ADAMTS10: variants seen among roughly 807,000 people sequenced by gnomAD.
The protein encoded by ADAMTS10 is A disintegrin and metalloproteinase with thrombospondin motifs 10.
A neutral mutation model predicts 135.9 loss-of-function variants in ADAMTS10; 48 were observed. The observed-to-expected ratio is 0.35, with a 90% CI of 0.28 to 0.45. The LOEUF (loss-of-function observed/expected upper bound fraction) is 0.45, where lower values mean the gene tolerates loss of function less well. Ranked by LOEUF, ADAMTS10 falls within the 20% of genes least tolerant of loss-of-function variation. The probability of loss-of-function intolerance (pLI) is 1.00; values close to 1 mark genes in which losing one functional copy is unlikely to be tolerated. For missense variants in ADAMTS10, 1,131 were observed against 1,565.2 expected (o/e 0.72, Z 4.68); for synonymous variants, 621 against 647.5 (o/e 0.96, Z 0.62).
intron 12 of ADAMTS10, 109 bp from the exon 13 acceptor site, chr19:8,592,979 G>C: frequency 9.7e-7 from 1 of 1,030,544 alleles, no homozygotes; most frequent in Non-Finnish European, 1.5e-6. Context: ...TCCCAGAGCA[G>C]AGAGCCCGGT....
rs1447357577 is a variant in ADAMTS10, at chr19:8,585,225, C to T, written c.2949G>A (p.Ala983=). Residue 983 remains alanine (A), a synonymous_variant, in exon 24 of 26, where the codon GCG becomes GCA. Transcript: ENST00000597188. Reference sequence around the variant, plus strand: ...GTGGCTTGGCGGCGGGTGAGCAGTGCGCCGGGGGCAGCGTGGCGCGGTGGT... The same window carrying T: ...GTGGCTTGGCGGCGGGTGAGCAGTGTGCCGGGGGCAGCGTGGCGCGGTGGT... ...SADHRATLPP[A]HCSPAAKPPA... 3 of 1,449,170 alleles carry T rather than the reference C, an allele frequency of 2.1e-6. No individual in the cohort carries two copies. Among genetic ancestry groups the T allele is most frequent in the African/African-American group, 2.9e-5 (2 of 69,384 alleles). 89.8% of individuals were successfully genotyped at this position (1,449,170 alleles called of 1,614,324 possible).
Position 8,605,235 on chromosome 19 carries a change from G to C in ADAMTS10, c.212C>G (p.Thr71Arg). The C allele has an allele frequency of 6.2e-7, 1 of 1,613,474 alleles. No individual in the cohort carries two copies. The highest frequency in any genetic ancestry group is 8.5e-7 in the Non-Finnish European group (1 of 1,179,704). Residue 71 changes from threonine to arginine, a missense_variant, in exon 4 of 26, where the codon ACA becomes AGA. Physicochemically the swap from Thr to Arg is moderately conservative, Grantham distance 71. Around this residue, in one of 3 missense-constraint regions of ADAMTS10, gnomAD observed 306 missense variants for 344.4 expected, o/e 0.89. Transcript: ENST00000597188. The surrounding 1 kb of genome is among the most constrained non-coding windows in gnomAD (Gnocchi z 7.7). The part of the protein sequence containing the change: ...PRRQRRGTGA[T>R]AESRLFYKVA... The stretch of plus-strand genomic sequence containing the variant: ...TTTGTAGAAGAGGCGGGACTCGGCT[G>C]TGGCCCCCGTGCCGCGGCGCTGCCT...
chr19:8,602,614 C>A (rs1185421027), intron 5 of ADAMTS10, among the ~76,000 whole-genome samples: 1 of 152,118 alleles, frequency 6.6e-6, no homozygotes, highest in Admixed American at 6.6e-5. Context: ...AGACACTGTG[C>A]CTGACCCTGA....
chr19:8,587,471 CTT>C (rs112605791), intron 18 of ADAMTS10, among the ~76,000 whole-genome samples: 1 of 135,912 alleles, frequency 7.4e-6, no homozygotes, highest in African/African-American at 2.8e-5. Flanking sequence ...GCCTGGCCAG[CTT>C]TTTTTTTTTT....
At position 8,586,401 on chromosome 19, in the gene ADAMTS10, G is replaced by A. The variant is rs782146436; in HGVS notation, c.2473C>T (p.Pro825Ser). The A allele has an allele frequency of 5.8e-5, 93 of 1,613,820 alleles. No homozygotes were observed. The highest frequency in any genetic ancestry group is 7.0e-5 in the Non-Finnish European group (83 of 1,180,008). ...FNAPIARDSL[P>S]PYSWHYAPWT... ...GGCGCATAGTGCCAGGAGTAGGGGG[G>A]CAGCGAGTCACGGGCGATGGGGGCA... The change falls in exon 21 of 26, where the codon CCC (proline) becomes TCC (serine). Residue 825 changes from proline (P) to serine (S), a missense_variant. Transcript: ENST00000597188.
intron 25 of ADAMTS10, among the ~76,000 whole-genome samples, chr19:8,581,740 CAGG>C (rs1307257424): frequency 6.6e-6 from 1 of 151,332 alleles, no homozygotes; most frequent in Admixed American, 6.6e-5. Flanking sequence ...CAGCCTGAGG[CAGG>C]AGAATTGCCT....
chr19:8,604,877 C>G (rs2042702290), intron 4 of ADAMTS10, 135 bp downstream of exon 4: 2 of 1,008,232 alleles, frequency 2.0e-6, no homozygotes, highest in Non-Finnish European at 3.0e-6. Context: ...AGCTGCATCC[C>G]CAAAGCACTG....
In ADAMTS10 at chr19:8,586,118, T is replaced by C; in HGVS notation, c.2660+4A>G. 6.2e-7 allele frequency: 1 copy of C among 1,612,948 alleles called. No individual in the cohort carries two copies. Among genetic ancestry groups the C allele is most frequent in the South Asian group, 1.1e-5 (1 of 91,052 alleles). ...GAGCAACACTGCCCCCTGGCGGCACTCACTCTGGAGGGCAAGGCTCCGTGT... is the reference window on the plus strand; with the variant it reads ...GAGCAACACTGCCCCCTGGCGGCACCCACTCTGGAGGGCAAGGCTCCGTGT... On this transcript the variant is annotated splice_donor_region_variant and intron_variant, in intron 22 of 25. Transcript: ENST00000597188.
At chr19:8,590,606 G>A (rs151174108) in intron 15 of ADAMTS10, among the ~76,000 whole-genome samples, 1,668 of 151,930 alleles carry the variant, frequency 0.011, 26 homozygotes, top group African/African-American at 0.038. Flanking sequence ...CTACAGGCGC[G>A]TGCCACCACG....
In ADAMTS10 at chr19:8,601,247, A is replaced by G; in HGVS notation, c.593-102T>C. Reference sequence around the variant, plus strand: ...CCTCTGACTGGCTACCTCTCTACCCAACAGTCTGGACAGACAATTTCTGGT... The same window carrying G: ...CCTCTGACTGGCTACCTCTCTACCCGACAGTCTGGACAGACAATTTCTGGT... On this transcript the variant is annotated intron_variant, in intron 5 of 25. Transcript: ENST00000597188. This position sits in a 1 kb window ranked among gnomAD's most constrained non-coding sequence, Gnocchi z 4.6. 2 of 1,288,918 alleles carry G rather than the reference A, an allele frequency of 1.6e-6. No homozygotes were observed. The highest frequency in any genetic ancestry group is 2.2e-6 in the Non-Finnish European group (2 of 920,722). The allele number at this position is 1,288,918 out of a possible 1,614,324, so 79.8% of individuals were successfully genotyped here. A position where few individuals can be genotyped will look rare whatever the true frequency, so the allele number is the denominator to read the frequency against.
intron 2 of ADAMTS10, among the ~76,000 whole-genome samples, chr19:8,607,816 C>CTT (rs1555742818): frequency 3.6e-5 from 5 of 139,232 alleles, no homozygotes; most frequent in South Asian, 2.3e-4. Context: ...CTCTCTCTCT[C>CTT]TCTCTTTTTT....
At chr19:8,594,612 C>T (rs1181481297) in intron 12 of ADAMTS10, among the ~76,000 whole-genome samples, 1 of 152,168 alleles carries the variant, frequency 6.6e-6, no homozygotes, top group Non-Finnish European at 1.5e-5. Flanking sequence ...ATTTAAATCC[C>T]AGCTCTGTCA....
At position 8,580,938 on chromosome 19, in the gene ADAMTS10, T is replaced by A; in HGVS notation, c.3267A>T (p.Arg1089=). 1 of 1,613,334 alleles carries A rather than the reference T, an allele frequency of 6.2e-7. No individual in the cohort carries two copies. Among genetic ancestry groups the A allele is most frequent in the Non-Finnish European group, 8.5e-7 (1 of 1,179,760 alleles). The change falls in exon 26 of 26, where the codon CGA becomes CGT. Residue 1089 remains arginine, a synonymous_variant. Coordinates refer to ENST00000597188, the MANE Select transcript of ADAMTS10 (RefSeq NM_030957.4). ...TGCAGCACATCTGGCGGAAGTAGGC[T>A]CGGCTGCAGAACTGAAATTTGAGCA... ...PLVLKFQFCS[R]AYFRQMCCKT...
chr19:8,596,279 C>T lies in ADAMTS10; in HGVS notation c.1190+28G>A, dbSNP rs1555740170. The T allele has an allele frequency of 6.2e-7, 1 of 1,612,922 alleles. No individual in the cohort carries two copies. Among genetic ancestry groups the T allele is most frequent in the Non-Finnish European group, 8.5e-7 (1 of 1,180,008 alleles). On this transcript the variant is annotated intron_variant, in intron 10 of 25. Coordinates refer to ENST00000597188, the MANE Select transcript of ADAMTS10 (RefSeq NM_030957.4). This position sits in a 1 kb window ranked among gnomAD's most constrained non-coding sequence, Gnocchi z 7.2. ...AGGGACCCGCCCAGCTCCTCCCCTC[C>T]TCCCCCTCTTGTGTGCCCTGGCCTC...
At chr19:8,592,291 G>T in intron 13 of ADAMTS10, 188 bp from the exon 14 acceptor site, 1 of 1,193,576 alleles carries the variant, frequency 8.4e-7, no homozygotes, top group Non-Finnish European at 1.2e-6. Context: ...CCAGGTACAA[G>T]CGAGAGGCGT....
intron 5 of ADAMTS10, among the ~76,000 whole-genome samples, chr19:8,602,411 C>T (rs900974121): frequency 4.6e-5 from 7 of 152,284 alleles, no homozygotes; most frequent in African/African-American, 7.2e-5. Flanking sequence ...CTCTACCTCC[C>T]GGGTTCAGGC....
At chr19:8,593,033 G>C in intron 12 of ADAMTS10, 163 bp from the exon 13 acceptor site, 2 of 685,954 alleles carry the variant, frequency 2.9e-6, no homozygotes, top group Admixed American at 4.2e-5. Flanking sequence ...ATCCCCTTGC[G>C]GGGCATGGCC....
At position 8,596,348 on chromosome 19, in the gene ADAMTS10, G is replaced by A. The variant is rs373993156; in HGVS notation, c.1149C>T (p.Gly383=). 7.6e-5 allele frequency: 123 copies of A among 1,612,830 alleles called. 1 individual carries two copies. The Middle Eastern group carries it at 2.6e-3, about 34-fold the overall frequency. The change falls in exon 10 of 26, where the codon GGC becomes GGT. Residue 383 remains glycine, a synonymous_variant. Coordinates refer to ENST00000597188, the MANE Select transcript of ADAMTS10 (RefSeq NM_030957.4). This position sits in a 1 kb window ranked among gnomAD's most constrained non-coding sequence, Gnocchi z 7.2. Reference sequence around the variant, plus strand: ...GGGCAATGGTGAACGCTGTGGCCAGGCCAATGTCCTCATTGACGCTGCAGC... The same window carrying A: ...GGGCAATGGTGAACGCTGTGGCCAGACCAATGTCCTCATTGACGCTGCAGC... ...ERSCSVNEDI[G]LATAFTIAHE...
intron 2 of ADAMTS10, among the ~76,000 whole-genome samples, chr19:8,607,646 A>AG (rs1390448153): frequency 2.0e-5 from 3 of 152,076 alleles, no homozygotes; most frequent in African/African-American, 7.2e-5. Flanking sequence ...GCCCCAAGGG[A>AG]GGGAGCCAGG....
Sources: allele counts gnomAD v4.1 joint callset (sites outside exome capture counted in the v4.1 genomes callset), GRCh38; gene constraint gnomAD v4.1.1; regional missense constraint gnomAD v4.1.1; non-coding constraint Gnocchi (gnomAD v3.1); transcripts MANE v1.5; gene names NCBI Gene and HGNC (gene_info 2026-07-23, HGNC 2026-07-21).